The following POU6F2 variants were observed in gnomAD, a reference collection of about 807,000 sequenced individuals.
POU6F2 encodes the protein POU class 6 homeobox 2.
POU6F2 carries 31 observed loss-of-function variants against 71.3 expected under a neutral mutation model. The observed-to-expected ratio is 0.43, with a 90% CI of 0.33 to 0.59. POU6F2 has a LOEUF of 0.59. POU6F2 is among the 20% of genes least tolerant of loss of function. The probability of loss-of-function intolerance (pLI) is 0.04; values close to 1 mark genes in which losing one functional copy is unlikely to be tolerated. For missense variants in POU6F2, 783 were observed against 856.8 expected, an observed-to-expected ratio of 0.91 and a Z score of 1.07; for synonymous variants, 347 against 355.7, an observed-to-expected ratio of 0.98 and a Z score of 0.27.
intron 5 of POU6F2, among the ~76,000 whole-genome samples, chr7:39,354,422 A>G (rs1786211428): frequency 1.3e-5 from 2 of 152,200 alleles, no homozygotes; most frequent in African/African-American, 4.8e-5. Flanking sequence ...TGGTTCTTCA[A>G]CTAGGACATG....
chr7:39,272,941 T>A (rs1562771882), intron 4 of POU6F2, among the ~76,000 whole-genome samples: 1 of 152,072 alleles, frequency 6.6e-6, no homozygotes, highest in Non-Finnish European at 1.5e-5. Flanking sequence ...TCCTTGATAA[T>A]GAGGATGAAA....
At chr7:39,124,316 A>G (rs1330059459) in intron 2 of POU6F2, among the ~76,000 whole-genome samples, 1 of 152,176 alleles carries the variant, frequency 6.6e-6, no homozygotes, top group Admixed American at 6.5e-5. Context: ...AAGTGCTGGG[A>G]TTACAGGCAT....
At chr7:39,301,418 T>C (rs192587756) in intron 4 of POU6F2, among the ~76,000 whole-genome samples, 12 of 152,332 alleles carry the variant, frequency 7.9e-5, no homozygotes, top group Middle Eastern at 3.4e-3. Flanking sequence ...GTTGAATCCA[T>C]TGTAGCTCGT....
chr7:39,308,998 C>G (rs555653512), intron 4 of POU6F2, among the ~76,000 whole-genome samples: 18 of 152,356 alleles, frequency 1.2e-4, no homozygotes, highest in African/African-American at 3.6e-4. Flanking sequence ...ACACACGCCA[C>G]CTTTATGAGG....
At chr7:39,361,795 C>T (rs1786394444) in intron 5 of POU6F2, among the ~76,000 whole-genome samples, 1 of 152,192 alleles carries the variant, frequency 6.6e-6, no homozygotes, top group Non-Finnish European at 1.5e-5. Flanking sequence ...GAAGAGGTCA[C>T]AATGAAATTG....
At chr7:39,408,353 A>G (rs2115904452) in intron 6 of POU6F2, among the ~76,000 whole-genome samples, 1 of 152,362 alleles carries the variant, frequency 6.6e-6, no homozygotes, top group African/African-American at 2.4e-5. Context: ...CAGAAAATCC[A>G]TTATTATTTA....
At chr7:39,114,187 A>C (rs957984225) in intron 2 of POU6F2, among the ~76,000 whole-genome samples, 2 of 152,226 alleles carry the variant, frequency 1.3e-5, no homozygotes, top group Non-Finnish European at 2.9e-5. Flanking sequence ...TAATGAGTGA[A>C]TCCAAATTTC....
At chr7:39,088,521 TGAA>T (rs1791302147) in intron 2 of POU6F2, among the ~76,000 whole-genome samples, 1 of 152,216 alleles carries the variant, frequency 6.6e-6, no homozygotes, top group African/African-American at 2.4e-5. Context: ...TACTTGATAA[TGAA>T]GAATTGCATT....
chr7:39,405,755 A>G (rs1787410179), intron 5 of POU6F2, among the ~76,000 whole-genome samples: 1 of 152,224 alleles, frequency 6.6e-6, no homozygotes, highest in African/African-American at 2.4e-5. Context: ...GAAAATTGGC[A>G]GGAAGGAGAA....
chr7:39,147,130 T>C (rs1290775597), intron 2 of POU6F2, among the ~76,000 whole-genome samples: 1 of 152,212 alleles, frequency 6.6e-6, no homozygotes, highest in Non-Finnish European at 1.5e-5. Context: ...TATCAAATTC[T>C]TTATTTTCTT....
intron 2 of POU6F2, among the ~76,000 whole-genome samples, chr7:39,087,949 T>G (rs1211899984): frequency 6.6e-6 from 1 of 152,174 alleles, no homozygotes; most frequent in Non-Finnish European, 1.5e-5. Context: ...CAAAGAGATT[T>G]GAATTAAAAG....
intron 1 of POU6F2, among the ~76,000 whole-genome samples, chr7:38,986,192 C>G (rs1420520696): frequency 6.6e-6 from 1 of 152,116 alleles, no homozygotes; most frequent in Non-Finnish European, 1.5e-5. Context: ...ATACTCCTCT[C>G]AACTTGGTTG....
chr7:39,001,039 A>G (rs188513027), intron 1 of POU6F2, among the ~76,000 whole-genome samples: 15 of 152,326 alleles, frequency 9.8e-5, no homozygotes, highest in African/African-American at 3.4e-4. Flanking sequence ...TTAATGGTGG[A>G]AATTTCATAT....
At chr7:39,315,233 T>C (rs1370393720) in intron 4 of POU6F2, among the ~76,000 whole-genome samples, 1 of 152,226 alleles carries the variant, frequency 6.6e-6, no homozygotes, top group Admixed American at 6.5e-5. Context: ...CTTTTCACTT[T>C]TAAACATCTC....
intron 4 of POU6F2, among the ~76,000 whole-genome samples, chr7:39,300,042 C>T (rs1318149162): frequency 6.6e-6 from 1 of 152,160 alleles, no homozygotes; most frequent in Non-Finnish European, 1.5e-5. Context: ...ACATCTCTTC[C>T]CCTCCCAAAG....
At chr7:39,046,190 C>T (rs1028045695) in intron 1 of POU6F2, among the ~76,000 whole-genome samples, 6 of 151,742 alleles carry the variant, frequency 4.0e-5, no homozygotes, top group Admixed American at 3.3e-4. Flanking sequence ...GTTTAATTTG[C>T]GTTTCTCAAA....
chr7:39,350,084 C>A (rs1236993600), intron 5 of POU6F2, among the ~76,000 whole-genome samples: 1 of 152,212 alleles, frequency 6.6e-6, no homozygotes, highest in African/African-American at 2.4e-5. Context: ...ATCAATGCAA[C>A]CCTTCCAGCC....
At chr7:39,207,939 A>T (rs1794055740) in intron 4 of POU6F2, among the ~76,000 whole-genome samples, 1 of 152,230 alleles carries the variant, frequency 6.6e-6, no homozygotes, top group African/African-American at 2.4e-5. Flanking sequence ...TTATTTGAAG[A>T]CCTGAGTTAT....
At chr7:39,273,178 G>A (rs1305333181) in intron 4 of POU6F2, among the ~76,000 whole-genome samples, 1 of 151,246 alleles carries the variant, frequency 6.6e-6, no homozygotes, top group Non-Finnish European at 1.5e-5. Context: ...CCAGGATGGG[G>A]AACATAATTC....
Sources: gnomAD v4.1 joint callset for allele counts (sites outside exome capture counted in the v4.1 genomes callset) on GRCh38, gnomAD v4.1.1 for gene constraint, MANE v1.5 for transcripts, NCBI Gene and HGNC (gene_info 2026-07-23, HGNC 2026-07-21) for gene names.